The following TASP1 variants were observed in gnomAD, a reference collection of about 807,000 sequenced individuals.
TASP1 encodes threonine aspartase 1.
TASP1 carries 16 observed loss-of-function variants against 56.6 expected under a neutral mutation model. That is an observed-to-expected ratio of 0.28 (90% CI 0.19 to 0.43). The LOEUF (loss-of-function observed/expected upper bound fraction) is 0.43. TASP1 is among the 20% of genes least tolerant of loss of function. The pLI is 1.00. For missense variants in TASP1, 393 were observed against 511.6 expected (o/e 0.77, Z 2.24); for synonymous variants, 179 against 184.2 (o/e 0.97, Z 0.23).
chr20:13,610,198 A>T (rs574329898), intron 4 of TASP1, among the ~76,000 whole-genome samples: 3 of 152,368 alleles, frequency 2.0e-5, no homozygotes, highest in South Asian at 2.1e-4. Context: ...GTAGTTGCAC[A>T]ACACTGTGAG....
At chr20:13,163,367 C>CAA in the TASP1 span, among the ~76,000 whole-genome samples, 5,709 of 89,756 alleles carry the variant, frequency 0.064, 214 homozygotes, top group Non-Finnish European at 0.085. Flanking sequence ...GACGCTGTCT[C>CAA]AAAAAAAAAA....
chr20:13,382,820 T>C, the TASP1 span, among the ~76,000 whole-genome samples: 1 of 152,252 alleles, frequency 6.6e-6, no homozygotes, highest in South Asian at 2.1e-4. Flanking sequence ...CCATAATTGT[T>C]GAAAATTAAG....
chr20:13,311,274 T>TAGAC, the TASP1 span, among the ~76,000 whole-genome samples: 1 of 151,478 alleles, frequency 6.6e-6, no homozygotes, highest in Non-Finnish European at 1.5e-5. Flanking sequence ...GATAGATAGA[T>TAGAC]AGATAGATAA....
At chr20:13,309,294 A>G in the TASP1 span, among the ~76,000 whole-genome samples, 1 of 152,076 alleles carries the variant, frequency 6.6e-6, no homozygotes, top group Non-Finnish European at 1.5e-5. Flanking sequence ...TTTAAAAAAA[A>G]AAAGCCTAAC....
At chr20:13,243,862 A>G in the TASP1 span, among the ~76,000 whole-genome samples, 1 of 152,220 alleles carries the variant, frequency 6.6e-6, no homozygotes, top group Non-Finnish European at 1.5e-5. Context: ...TTCTGCAGTT[A>G]GAATAGCAGG....
intron 10 of TASP1, among the ~76,000 whole-genome samples, chr20:13,496,594 A>C (rs752586830): frequency 2.0e-5 from 3 of 152,164 alleles, no homozygotes; most frequent in African/African-American, 4.8e-5. Flanking sequence ...TGTTCTACCC[A>C]AAAACAAGAA....
the TASP1 span, among the ~76,000 whole-genome samples, chr20:13,382,290 T>TG: frequency 5.4e-4 from 83 of 152,346 alleles, no homozygotes; most frequent in African/African-American, 1.9e-3. Context: ...TCTGGGAAGT[T>TG]GGAGTCTGTG....
At chr20:13,212,134 T>C in the TASP1 span, among the ~76,000 whole-genome samples, 1 of 152,198 alleles carries the variant, frequency 6.6e-6, no homozygotes, top group Non-Finnish European at 1.5e-5. Flanking sequence ...ATTTCCCAAC[T>C]GTTCTTGCAG....
chr20:13,396,754 T>A (rs896024378), intron 13 of TASP1, among the ~76,000 whole-genome samples: 1 of 152,236 alleles, frequency 6.6e-6, no homozygotes. Flanking sequence ...TTTATCTTAC[T>A]GTGTGTCGCT....
chr20:13,380,460 A>C, the TASP1 span, among the ~76,000 whole-genome samples: 6 of 152,074 alleles, frequency 3.9e-5, no homozygotes, highest in Non-Finnish European at 8.8e-5. Flanking sequence ...TTCGTCCCAG[A>C]GGGGCACCCG....
chr20:13,196,783 C>T, the TASP1 span, among the ~76,000 whole-genome samples: 1 of 151,868 alleles, frequency 6.6e-6, no homozygotes, highest in Non-Finnish European at 1.5e-5. Flanking sequence ...CATACATGGC[C>T]CATGTTTATA....
At chr20:13,251,742 G>C in the TASP1 span, among the ~76,000 whole-genome samples, 2 of 152,210 alleles carry the variant, frequency 1.3e-5, no homozygotes, top group East Asian at 3.8e-4. Context: ...GTTGAAAGAA[G>C]CCATTCATAA....
chr20:13,550,409 C>A, intron 8 of TASP1, among the ~76,000 whole-genome samples: 1 of 151,854 alleles, frequency 6.6e-6, no homozygotes, highest in East Asian at 1.9e-4. Context: ...CATGTAAAAT[C>A]TGTAGGCTCA....
chr20:13,172,383 C>A, the TASP1 span, among the ~76,000 whole-genome samples: 1 of 152,154 alleles, frequency 6.6e-6, no homozygotes, highest in Admixed American at 6.5e-5. Context: ...ATTTTCACAT[C>A]TGTTAACAGT....
At chr20:13,159,321 C>T in the TASP1 span, among the ~76,000 whole-genome samples, 1 of 152,320 alleles carries the variant, frequency 6.6e-6, no homozygotes, top group African/African-American at 2.4e-5. Flanking sequence ...CTGCCCCATT[C>T]CTCTTAAACT....
At chr20:13,542,168 T>G (rs1054765401) in intron 8 of TASP1, among the ~76,000 whole-genome samples, 6 of 151,754 alleles carry the variant, frequency 4.0e-5, no homozygotes, top group African/African-American at 9.7e-5. Context: ...TATGGAAAAG[T>G]TGAAAGTAAA....
At chr20:13,444,740 C>T (rs6109887) in intron 11 of TASP1, among the ~76,000 whole-genome samples, 67,735 of 151,928 alleles carry the variant, frequency 0.45, 15,254 homozygotes, top group Non-Finnish European at 0.46. Flanking sequence ...GTTCACTACA[C>T]TCACTTTATA....
chr20:13,335,361 C>CAA, the TASP1 span, among the ~76,000 whole-genome samples: 1 of 146,702 alleles, frequency 6.8e-6, no homozygotes, highest in Admixed American at 6.8e-5. Flanking sequence ...CACACACACA[C>CAA]AAACACACAC....
chr20:13,150,371 T>G, the TASP1 span, among the ~76,000 whole-genome samples: 2 of 152,194 alleles, frequency 1.3e-5, no homozygotes, highest in African/African-American at 4.8e-5. Flanking sequence ...AGCATATATA[T>G]ATACACAGAT....
Sources: allele counts gnomAD v4.1 joint callset (sites outside exome capture counted in the v4.1 genomes callset), GRCh38; gene constraint gnomAD v4.1.1; transcripts MANE v1.5; gene names NCBI Gene and HGNC (gene_info 2026-07-23, HGNC 2026-07-21).